CYFIP2: variants seen among roughly 807,000 people sequenced by gnomAD.
CYFIP2 encodes cytoplasmic FMR1 interacting protein 2, also known as cytoplasmic FMR1-interacting protein 2.
CYFIP2 carries 29 observed loss-of-function variants against 158.7 expected under a neutral mutation model. The ratio of observed to expected loss-of-function variants is 0.18; its 90% CI spans 0.14 to 0.25. The LOEUF is 0.25. Ranked by LOEUF, CYFIP2 falls within the 10% of genes least tolerant of loss-of-function variation. The probability of loss-of-function intolerance (pLI) is 1.00; values close to 1 mark genes in which losing one functional copy is unlikely to be tolerated. For missense variants in CYFIP2, 852 were observed against 1,639.5 expected, an observed-to-expected ratio of 0.52 and a Z score of 8.29; for synonymous variants, 585 against 617.6, an observed-to-expected ratio of 0.95 and a Z score of 0.78.
At chr5:157,271,076 G>T (rs1368953442) in intron 1 of CYFIP2, among the ~76,000 whole-genome samples, 1 of 152,188 alleles carries the variant, frequency 6.6e-6, no homozygotes, top group Non-Finnish European at 1.5e-5. Flanking sequence ...TCATTAAGGG[G>T]CTTGGCTGGT....
At chr5:157,349,279 C>T (rs1234185963) in intron 23 of CYFIP2, among the ~76,000 whole-genome samples, 1 of 152,156 alleles carries the variant, frequency 6.6e-6, no homozygotes, top group Admixed American at 6.5e-5. Context: ...TCCCTCCTCC[C>T]ACCCTTCTGA....
intron 1 of CYFIP2, among the ~76,000 whole-genome samples, chr5:157,272,004 T>G (rs1756139933): frequency 6.6e-6 from 1 of 152,186 alleles, no homozygotes; most frequent in African/African-American, 2.4e-5. Flanking sequence ...CTTCCCCTCC[T>G]GAGAGCATGA....
chr5:157,382,052 A>T (rs1766180606), intron 26 of CYFIP2, among the ~76,000 whole-genome samples: 2 of 152,224 alleles, frequency 1.3e-5, no homozygotes, highest in African/African-American at 4.8e-5. Context: ...GCACATAACA[A>T]ATAACCATTG....
chr5:157,368,905 T>TTG (rs1032220174), intron 26 of CYFIP2, among the ~76,000 whole-genome samples: 10 of 150,272 alleles, frequency 6.7e-5, no homozygotes, highest in African/African-American at 2.2e-4. Context: ...TTTTTTTGTT[T>TTG]TTTTTTTTTT....
At position 157,359,161 on chromosome 5, in the gene CYFIP2, C is replaced by T; in HGVS notation, c.2817+13C>T. On this transcript the variant is annotated intron_variant, in intron 24 of 30. Transcript: ENST00000620254. ...TGTGAAGAGCTTGGTAAGGAAAGGC[C>T]TCAGTGTGGCTTGAGATATGCCCAT... is the stretch of plus-strand genomic sequence containing the variant. 1.2e-6 allele frequency: 2 copies of T among 1,613,892 alleles called. No homozygotes were observed. The highest frequency in any genetic ancestry group is 1.3e-5 in the African/African-American group (1 of 75,056).
chr5:157,367,577 GTTCTT>G (rs1044769465), intron 26 of CYFIP2, among the ~76,000 whole-genome samples: 50 of 152,184 alleles, frequency 3.3e-4, no homozygotes, highest in African/African-American at 1.1e-3. Context: ...GATTGTTTTT[GTTCTT>G]TTCAACAGTT....
In CYFIP2 at chr5:157,285,493, A is replaced by G. The variant is rs1343104428; in HGVS notation, c.117+15A>G. ...TCATGTACCAGGTAATGGAAATGGTAGATAGCACCAGGGGGCCCAGGAATT... is the reference window on the plus strand; with the variant it reads ...TCATGTACCAGGTAATGGAAATGGTGGATAGCACCAGGGGGCCCAGGAATT... On this transcript the variant is annotated intron_variant, in intron 2 of 30. Coordinates refer to ENST00000620254, the MANE Select transcript of CYFIP2 (RefSeq NM_001037333.3). 9 of 1,553,888 alleles carry G rather than the reference A, an allele frequency of 5.8e-6. No homozygotes were observed. The highest frequency in any genetic ancestry group is 7.8e-6 in the Non-Finnish European group (9 of 1,147,428).
intron 8 of CYFIP2, among the ~76,000 whole-genome samples, chr5:157,306,796 C>T (rs559862324): frequency 1.8e-4 from 27 of 151,620 alleles, no homozygotes; most frequent in African/African-American, 5.8e-4. Context: ...GTGAGAGAAT[C>T]GCTTGAGCCC....
chr5:157,267,577 A>G (rs1488575298), intron 1 of CYFIP2, among the ~76,000 whole-genome samples: 1 of 152,164 alleles, frequency 6.6e-6, no homozygotes, highest in Non-Finnish European at 1.5e-5. Context: ...CCCTTCCCCC[A>G]GTCTCCAGTG....
intron 28 of CYFIP2, among the ~76,000 whole-genome samples, chr5:157,385,217 C>G (rs565799316): frequency 2.0e-5 from 3 of 152,246 alleles, no homozygotes; most frequent in Non-Finnish European, 4.4e-5. Flanking sequence ...AATTCCTTCC[C>G]TGTTCTGGTG....
Position 157,350,825 on chromosome 5 carries a change from C to G in CYFIP2, c.2674-8180C>G, listed in dbSNP as rs111965703. The stretch of plus-strand genomic sequence containing the variant: ...TCTTTCAACAGTATTTTGTAGTTTT[C>G]CTTGTAGAGGTCTTTCACCTCCTTG... On this transcript the variant is annotated intron_variant, in intron 23 of 30. Transcript: ENST00000620254. Among the ~76,000 whole-genome samples, 201 of 152,280 alleles carry G rather than the reference C, an allele frequency of 1.3e-3. 1 individual carries two copies. Among genetic ancestry groups the G allele is most frequent in the African/African-American group, 4.6e-3 (190 of 41,546 alleles).
intron 1 of CYFIP2, among the ~76,000 whole-genome samples, chr5:157,282,159 A>G (rs1470490731): frequency 6.6e-6 from 1 of 152,216 alleles, no homozygotes; most frequent in Non-Finnish European, 1.5e-5. Flanking sequence ...ATTGACCTCA[A>G]GGTTCCACAG....
intron 26 of CYFIP2, among the ~76,000 whole-genome samples, chr5:157,380,633 C>T (rs920564762): frequency 6.6e-6 from 1 of 152,186 alleles, no homozygotes; most frequent in Non-Finnish European, 1.5e-5. Flanking sequence ...CAGTATCCTT[C>T]ATGAATACAG....
chr5:157,315,057 A>G lies in CYFIP2; in HGVS notation c.1319A>G (p.Tyr440Cys). Residue 440 changes from tyrosine (Y) to cysteine (C), a missense_variant, in exon 13 of 31, where the codon TAC (tyrosine) becomes TGC (cysteine). Coordinates refer to ENST00000620254, the MANE Select transcript of CYFIP2 (RefSeq NM_001037333.3). The stretch of plus-strand genomic sequence containing the variant: ...GAGGAATATGAGAGAGCCACACGCT[A>G]CAATTACACCAGTGAGGAAAAATTT... ...TAEEYERATRYNYTSEEKFAF... is the reference protein window; with the variant it reads ...TAEEYERATRCNYTSEEKFAF... 6.2e-7 allele frequency: 1 copy of G among 1,613,426 alleles called. No homozygotes were observed. The highest frequency in any genetic ancestry group is 8.5e-7 in the Non-Finnish European group (1 of 1,179,728).
intron 8 of CYFIP2, 57 bp downstream of exon 8, chr5:157,304,423 C>A: frequency 6.5e-7 from 1 of 1,537,204 alleles, no homozygotes; most frequent in Non-Finnish European, 8.8e-7. Flanking sequence ...TCACCTTCTT[C>A]TTATTAAAAA....
chr5:157,368,931 C>T (rs751790841), intron 26 of CYFIP2, among the ~76,000 whole-genome samples: 13 of 150,066 alleles, frequency 8.7e-5, no homozygotes, highest in Non-Finnish European at 1.6e-4. Context: ...CAGAGTCTCA[C>T]TCTCTTGCCC....
At chr5:157,326,910 CT>C (rs897037000) in intron 18 of CYFIP2, among the ~76,000 whole-genome samples, 1 of 152,168 alleles carries the variant, frequency 6.6e-6, no homozygotes, top group Non-Finnish European at 1.5e-5. Context: ...GATCTGAAAG[CT>C]TTTTGAATCA....
intron 13 of CYFIP2, among the ~76,000 whole-genome samples, chr5:157,317,824 A>G (rs2113087467): frequency 6.6e-6 from 1 of 152,320 alleles, no homozygotes; most frequent in East Asian, 1.9e-4. Context: ...AAAATAGTCC[A>G]TCACAGTCAT....
intron 23 of CYFIP2, among the ~76,000 whole-genome samples, chr5:157,348,512 A>G (rs529280273): frequency 3.6e-4 from 55 of 152,248 alleles, no homozygotes; most frequent in Non-Finnish European, 5.6e-4. Flanking sequence ...CCCGGGTTCC[A>G]GTGATTCTCC....
Sources: gnomAD v4.1 joint callset for allele counts (sites outside exome capture counted in the v4.1 genomes callset) on GRCh38, gnomAD v4.1.1 for gene constraint, MANE v1.5 for transcripts, NCBI Gene and HGNC (gene_info 2026-07-23, HGNC 2026-07-21) for gene names.